The following APP variants were observed in gnomAD, a reference collection of about 807,000 sequenced individuals.
APP encodes the protein amyloid-beta precursor protein.
APP carries 31 observed loss-of-function variants against 101.4 expected under a neutral mutation model. The observed-to-expected ratio is 0.31, with a 90% CI of 0.23 to 0.41. APP has a LOEUF of 0.41. APP is among the 10% of genes least tolerant of loss of function. APP has a pLI of 1.00. For synonymous variants in APP, 366 were observed against 364.4 expected (o/e 1.00, Z -0.05); for missense variants, 839 against 1,003.7 (o/e 0.84, Z 2.22).
At chr21:26,033,000 TGAA>T (rs1183204633) in intron 5 of APP, among the ~76,000 whole-genome samples, 1 of 152,062 alleles carries the variant, frequency 6.6e-6, no homozygotes, top group Non-Finnish European at 1.5e-5. Context: ...AGGGACAGAC[TGAA>T]GAATAATCTG....
chr21:25,989,237 ACTC>A (rs1171871452), intron 8 of APP, among the ~76,000 whole-genome samples: 1 of 151,928 alleles, frequency 6.6e-6, no homozygotes, highest in African/African-American at 2.4e-5. Context: ...CTGTCTGAAG[ACTC>A]CTTAGAGGAT....
At chr21:25,899,444 C>A (rs1601330350) in intron 15 of APP, among the ~76,000 whole-genome samples, 1 of 152,160 alleles carries the variant, frequency 6.6e-6, no homozygotes, top group Non-Finnish European at 1.5e-5. Flanking sequence ...ACTTCTGAGA[C>A]TGGGCCAAAA....
chr21:26,028,100 G>A (rs1020434012), intron 5 of APP, among the ~76,000 whole-genome samples: 3 of 151,480 alleles, frequency 2.0e-5, no homozygotes, highest in Admixed American at 1.3e-4. Context: ...GGAGGCTGAG[G>A]CATGAGAATC....
At chr21:26,076,511 T>C (rs1433106573) in intron 3 of APP, among the ~76,000 whole-genome samples, 2 of 152,184 alleles carry the variant, frequency 1.3e-5, no homozygotes, top group Non-Finnish European at 2.9e-5. Flanking sequence ...ATAAACATGC[T>C]TCTAGAGTAA....
chr21:26,108,577 C>T (rs191520342), intron 2 of APP, among the ~76,000 whole-genome samples: 62 of 143,954 alleles, frequency 4.3e-4, no homozygotes, highest in Middle Eastern at 3.4e-3. Flanking sequence ...TCTACAATCA[C>T]TCCTCTTCTC....
At chr21:26,131,513 GACA>G (rs2062796649) in intron 1 of APP, among the ~76,000 whole-genome samples, 1 of 152,046 alleles carries the variant, frequency 6.6e-6, no homozygotes. Flanking sequence ...TCTTATTAGA[GACA>G]ACAACAGTGT....
At chr21:25,925,835 C>G (rs2039871132) in intron 13 of APP, among the ~76,000 whole-genome samples, 1 of 152,174 alleles carries the variant, frequency 6.6e-6, no homozygotes, top group African/African-American at 2.4e-5. Flanking sequence ...ATTCAGGAGG[C>G]TGAGGCAGGA....
chr21:26,081,353 G>C (rs1332611937), intron 3 of APP, among the ~76,000 whole-genome samples: 1 of 150,504 alleles, frequency 6.6e-6, no homozygotes, highest in Admixed American at 6.6e-5. Flanking sequence ...TGTAAGATTC[G>C]GGTAGGTAAA....
intron 6 of APP, among the ~76,000 whole-genome samples, chr21:26,017,502 C>CT (rs2044150554): frequency 6.6e-6 from 1 of 151,982 alleles, no homozygotes; most frequent in Non-Finnish European, 1.5e-5. Flanking sequence ...AAAAATCTGC[C>CT]AGTCTCCCAG....
intron 17 of APP, among the ~76,000 whole-genome samples, chr21:25,882,454 GTT>G (rs2146196767): frequency 6.6e-6 from 1 of 150,650 alleles, no homozygotes; most frequent in Non-Finnish European, 1.5e-5. Context: ...ATAGAAGTAT[GTT>G]CAGCTCAAAG....
intron 5 of APP, among the ~76,000 whole-genome samples, chr21:26,037,870 T>C (rs926644580): frequency 1.3e-5 from 2 of 152,222 alleles, no homozygotes; most frequent in East Asian, 3.8e-4. Flanking sequence ...GAATGAATAG[T>C]ATATTCTAGG....
At chr21:26,136,807 G>A (rs78398827) in intron 1 of APP, among the ~76,000 whole-genome samples, 7,804 of 152,104 alleles carry the variant, frequency 0.051, 313 homozygotes, top group South Asian at 0.096. Flanking sequence ...CTCCAAAGCA[G>A]GCCAGTTTAT....
At chr21:25,897,981 G>T (rs569742910) in intron 15 of APP, 72 of 397,918 alleles carry the variant, frequency 1.8e-4, no homozygotes, top group Non-Finnish European at 3.2e-4. Flanking sequence ...GGTTGGCAAG[G>T]ATTTGTTCCT....
intron 13 of APP, among the ~76,000 whole-genome samples, chr21:25,915,243 T>C (rs898257631): frequency 5.3e-5 from 8 of 152,214 alleles, no homozygotes; most frequent in Non-Finnish European, 1.2e-4. Flanking sequence ...TGTTTTCTAT[T>C]CCTGCTATCT....
In APP at chr21:26,118,107, C is replaced by CA. The variant is rs1330983205; in HGVS notation, c.58-5962dup. Among the ~76,000 whole-genome samples, 6 of 152,264 alleles carry CA rather than the reference C, an allele frequency of 3.9e-5. No homozygotes were observed. In the East Asian group the frequency reaches 1.2e-3, roughly 29 times the overall value. ...AAGGATAGATGTTCTCAAGTTGACC[C>CA]AAAACTCCTACCCACTCATAAGAAG... On this transcript the variant is annotated intron_variant, in intron 1 of 17. Transcript: ENST00000346798.
rs554967665 is a variant in APP, at chr21:25,952,709, G to C, written c.1687+1881C>G. Among the ~76,000 whole-genome samples the C allele has an allele frequency of 2.6e-5, 4 of 152,082 alleles. 1 individual carries two copies. In the South Asian group the frequency reaches 8.3e-4, roughly 31 times the overall value. ...TATTACCTATGCCACTTCAACTGAA[G>C]TCACATGTGAAAACAGGCTTAAGAT... On this transcript the variant is annotated intron_variant, in intron 13 of 17. Coordinates refer to ENST00000346798, the MANE Select transcript of APP (RefSeq NM_000484.4).
intron 8 of APP, among the ~76,000 whole-genome samples, chr21:25,991,695 A>T (rs1208052766): frequency 6.6e-6 from 1 of 152,196 alleles, no homozygotes; most frequent in East Asian, 1.9e-4. Context: ...ACTTTTATAA[A>T]AGTAGTATTA....
rs1286041403 is a variant in APP, at chr21:25,997,357, T to C, written c.1090+3A>G. 2.5e-6 allele frequency: 4 copies of C among 1,613,478 alleles called. No homozygotes were observed. The highest frequency in any genetic ancestry group is 2.5e-6 in the Non-Finnish European group (3 of 1,179,524). On this transcript the variant is annotated splice_donor_region_variant and intron_variant, in intron 8 of 17. Coordinates refer to ENST00000346798, the MANE Select transcript of APP (RefSeq NM_000484.4). ...CCCTTCCCTCAGGTGAATGACAACG[T>C]ACGTTTAACAGGATCTCGGGCAAGA...
chr21:26,117,999 T>C lies in APP; in HGVS notation c.58-5853A>G, dbSNP rs530397870. The stretch of plus-strand genomic sequence containing the variant: ...ACAAGCTATCCTCCCTTGATGTTTT[T>C]CACGGCCTCTGTTGATATTAGATTG... On this transcript the variant is annotated intron_variant, in intron 1 of 17. Coordinates refer to ENST00000346798, the MANE Select transcript of APP (RefSeq NM_000484.4). Among the ~76,000 whole-genome samples the C allele has an allele frequency of 1.4e-3, 210 of 152,322 alleles. 2 individuals are homozygous for C. The highest frequency in any genetic ancestry group is 4.7e-3 in the African/African-American group (195 of 41,570).
Sources: allele counts gnomAD v4.1 joint callset (sites outside exome capture counted in the v4.1 genomes callset), GRCh38; gene constraint gnomAD v4.1.1; transcripts MANE v1.5; gene names NCBI Gene and HGNC (gene_info 2026-07-23, HGNC 2026-07-21).